PTPRK: variants seen among roughly 807,000 people sequenced by gnomAD.
PTPRK encodes the protein receptor-type tyrosine-protein phosphatase kappa.
Under a neutral mutation model 178.0 loss-of-function variants are expected in PTPRK, and 75 were observed. The ratio of observed to expected loss-of-function variants is 0.42; its 90% confidence interval spans 0.35 to 0.51. The LOEUF (loss-of-function observed/expected upper bound fraction) is 0.51. Ranked by LOEUF, PTPRK falls within the 20% of genes least tolerant of loss-of-function variation. The pLI, the probability that PTPRK is intolerant of heterozygous loss-of-function variation, is 0.02. For missense variants in PTPRK, 1,441 were observed against 1,797.8 expected (o/e 0.80, Z 3.59); for synonymous variants, 637 against 620.6 (o/e 1.03, Z -0.39).
At chr6:128,193,280 G>GAAAAAAA (rs778872277) in intron 6 of PTPRK, among the ~76,000 whole-genome samples, 7 of 57,756 alleles carry the variant, frequency 1.2e-4, no homozygotes, top group Admixed American at 2.9e-4. Flanking sequence ...TCCAGCTTGT[G>GAAAAAAA]AAAAAAAAAA....
chr6:128,053,784 G>C (rs1168064117), intron 13 of PTPRK, among the ~76,000 whole-genome samples: 1 of 152,144 alleles, frequency 6.6e-6, no homozygotes, highest in African/African-American at 2.4e-5. Flanking sequence ...GCTCTGACAA[G>C]GTCTGTGGGA....
chr6:127,972,963 T>G lies in PTPRK; in HGVS notation c.4269+59A>C, dbSNP rs1583460111. 10 of 1,527,142 alleles carry G rather than the reference T, an allele frequency of 6.5e-6. No homozygotes were observed. The South Asian group carries it at 8.0e-5, about 12-fold the overall frequency. 94.6% of individuals were successfully genotyped at this position (1,527,142 alleles called of 1,614,324 possible). A position where few individuals can be genotyped will look rare whatever the true frequency, so the allele number is the denominator to read the frequency against. On this transcript the variant is annotated intron_variant, in intron 29 of 29. Transcript: ENST00000368226. ...GTGTGTATGAAGTCAAATCAATAAG[T>G]AGGTATATGACTAACTAATCTCTAA...
intron 7 of PTPRK, among the ~76,000 whole-genome samples, chr6:128,118,347 A>G (rs192197614): frequency 5.2e-4 from 79 of 152,330 alleles, no homozygotes; most frequent in Admixed American, 4.7e-3. Flanking sequence ...GAAACTATGC[A>G]TGCACATATT....
chr6:128,067,143 A>G (rs1781929046), intron 12 of PTPRK, among the ~76,000 whole-genome samples: 1 of 152,172 alleles, frequency 6.6e-6, no homozygotes, highest in South Asian at 2.1e-4. Flanking sequence ...CCTGCAGTAA[A>G]TTTAATCTCT....
chr6:128,503,841 A>ATT (rs1390861349), intron 1 of PTPRK, among the ~76,000 whole-genome samples: 37 of 94,994 alleles, frequency 3.9e-4, no homozygotes, highest in African/African-American at 2.2e-3. Context: ...CCTGGTTATT[A>ATT]TTGTGTGTGT....
At chr6:128,306,504 C>T (rs553896823) in intron 3 of PTPRK, among the ~76,000 whole-genome samples, 7 of 152,222 alleles carry the variant, frequency 4.6e-5, no homozygotes, top group South Asian at 2.1e-4. Flanking sequence ...TACTTTCATT[C>T]GAGAGAATCG....
At chr6:128,143,976 T>C (rs548337442) in intron 7 of PTPRK, among the ~76,000 whole-genome samples, 1 of 152,312 alleles carries the variant, frequency 6.6e-6, no homozygotes, top group African/African-American at 2.4e-5. Flanking sequence ...GTCAGGAAAC[T>C]CTACTTCCTT....
intron 4 of PTPRK, 71 bp downstream of exon 4, chr6:128,242,450 C>A: frequency 6.4e-7 from 1 of 1,563,624 alleles, no homozygotes; most frequent in Non-Finnish European, 8.6e-7. Flanking sequence ...GATAAACAAT[C>A]AATAGTCACT....
chr6:128,448,855 T>C (rs1434732083), intron 1 of PTPRK, among the ~76,000 whole-genome samples: 2 of 149,848 alleles, frequency 1.3e-5, no homozygotes, highest in African/African-American at 2.4e-5. Flanking sequence ...TGTTTGTCTG[T>C]TTGTTTTTGT....
intron 3 of PTPRK, among the ~76,000 whole-genome samples, chr6:128,259,574 T>C (rs1442537330): frequency 1.3e-5 from 2 of 152,182 alleles, no homozygotes; most frequent in African/African-American, 4.8e-5. Context: ...AGATTATGGA[T>C]TACTTTCATT....
chr6:128,415,853 TA>T (rs1023883792), intron 1 of PTPRK, among the ~76,000 whole-genome samples: 1 of 151,748 alleles, frequency 6.6e-6, no homozygotes, highest in Non-Finnish European at 1.5e-5. Flanking sequence ...ACTGAAAATT[TA>T]AAAAAAAATT....
chr6:128,518,911 G>T, intron 1 of PTPRK: 1 of 456,588 alleles, frequency 2.2e-6, no homozygotes, highest in Middle Eastern at 3.4e-4. Flanking sequence ...CAATGGAAGG[G>T]AAATAAACGA....
chr6:128,239,538 C>A (rs576212516), intron 5 of PTPRK, among the ~76,000 whole-genome samples: 1 of 152,254 alleles, frequency 6.6e-6, no homozygotes, highest in African/African-American at 2.4e-5. Context: ...ATGTGAAAGG[C>A]AAATGTCTTC....
intron 15 of PTPRK, among the ~76,000 whole-genome samples, chr6:128,003,455 A>G (rs1440817300): frequency 6.6e-6 from 1 of 151,830 alleles, no homozygotes; most frequent in East Asian, 1.9e-4. Flanking sequence ...GTTTAATTTA[A>G]AAAGCCAGAA....
chr6:128,505,429 G>A (rs956948558), intron 1 of PTPRK, among the ~76,000 whole-genome samples: 2 of 151,610 alleles, frequency 1.3e-5, no homozygotes, highest in Non-Finnish European at 2.9e-5. Flanking sequence ...CAACAAGAGC[G>A]AAACTCTGTC....
chr6:128,256,233 T>C (rs191342120), intron 3 of PTPRK, among the ~76,000 whole-genome samples: 47 of 152,014 alleles, frequency 3.1e-4, no homozygotes, highest in Admixed American at 9.8e-4. Flanking sequence ...AGAGAGAAAA[T>C]TACTCCACCT....
At position 128,273,954 on chromosome 6, in the gene PTPRK, A is replaced by T. The variant is rs573809738; in HGVS notation, c.496-31352T>A. On this transcript the variant is annotated intron_variant, in intron 3 of 29. Transcript: ENST00000368226. ...CACCAAATACATACATACAGAGATAAGCGATGTGCCTTTTTATTATTAATG... is the reference window on the plus strand; with the variant it reads ...CACCAAATACATACATACAGAGATATGCGATGTGCCTTTTTATTATTAATG... Among the ~76,000 whole-genome samples the T allele has an allele frequency of 2.0e-5, 3 of 152,288 alleles. No homozygotes were observed. In the South Asian group the frequency reaches 6.2e-4, roughly 32 times the overall value.
intron 7 of PTPRK, among the ~76,000 whole-genome samples, chr6:128,123,965 C>G (rs1353974539): frequency 6.6e-6 from 1 of 152,118 alleles, no homozygotes; most frequent in Non-Finnish European, 1.5e-5. Context: ...ACTGTGGATG[C>G]CGACCTTCAC....
intron 14 of PTPRK, 63 bp from the exon 15 acceptor site, chr6:128,005,307 G>C: frequency 6.6e-7 from 1 of 1,523,964 alleles, no homozygotes; most frequent in South Asian, 1.2e-5. Flanking sequence ...GTTAACACCA[G>C]CAATAAATAG....
Sources: allele counts gnomAD v4.1 joint callset (sites outside exome capture counted in the v4.1 genomes callset), GRCh38; gene constraint gnomAD v4.1.1; transcripts MANE v1.5; gene names NCBI Gene and HGNC (gene_info 2026-07-23, HGNC 2026-07-21).